The following RGS17 variants were observed in gnomAD, a reference collection of about 807,000 sequenced individuals.
RGS17 encodes regulator of G-protein signaling 17.
Under a neutral mutation model 25.5 loss-of-function variants are expected in RGS17, and 12 were observed. That is an observed-to-expected ratio of 0.47 (90% CI 0.30 to 0.76). The LOEUF (loss-of-function observed/expected upper bound fraction) is 0.76, where lower values mean the gene tolerates loss of function less well. Ranked by LOEUF, RGS17 falls within the 30% of genes least tolerant of loss-of-function variation. The probability of loss-of-function intolerance (pLI) is 0.07; values close to 1 mark genes in which losing one functional copy is unlikely to be tolerated. For missense variants in RGS17, 196 were observed against 242.2 expected, an observed-to-expected ratio of 0.81 and a Z score of 1.27; for synonymous variants, 71 against 76.9, an observed-to-expected ratio of 0.92 and a Z score of 0.40.
chr6:153,102,296 G>A (rs1319765384), intron 1 of RGS17, among the ~76,000 whole-genome samples: 1 of 152,184 alleles, frequency 6.6e-6, no homozygotes, highest in Non-Finnish European at 1.5e-5. Context: ...TACCTGTCAA[G>A]TAAAATTACA....
Position 153,024,448 on chromosome 6 carries a change from G to C in RGS17, c.258C>G (p.Asp86Glu). The change falls in exon 4 of 5, where the codon GAC (aspartate) becomes GAG (glutamate). Residue 86 changes from aspartate to glutamate, a missense_variant. Physicochemically the swap from Asp to Glu is conservative, Grantham distance 45 (BLOSUM62 2). Transcript: ENST00000206262. ...EEVLSWSQNFDKMMKAPAGRN... is the reference protein window; with the variant it reads ...EEVLSWSQNFEKMMKAPAGRN... ...TTCCTGCTGGGGCCTTCATCATCTT[G>C]TCAAAATTTTGAGACCAGGACAAGA... 1 of 1,614,150 alleles carries C rather than the reference G, an allele frequency of 6.2e-7. No homozygotes were observed. Among genetic ancestry groups the C allele is most frequent in the Non-Finnish European group, 8.5e-7 (1 of 1,180,004 alleles).
intron 1 of RGS17, among the ~76,000 whole-genome samples, chr6:153,122,061 T>A (rs546320905): frequency 6.6e-6 from 1 of 152,306 alleles, no homozygotes; most frequent in East Asian, 1.9e-4. Flanking sequence ...AATGATATTA[T>A]ACTTTAAGAT....
rs1328353164 is a variant in RGS17 at position 153,006,080 on chromosome 6, G to A, written c.*5494C>T. On this transcript the variant is annotated 3_prime_UTR_variant, in exon 5 of 5. Transcript: ENST00000206262. The stretch of plus-strand genomic sequence containing the variant: ...TGCATAGACATGTCTGGAACTCCTG[G>A]GCTCAAGTGATCCTCACGCCTTAGT... The A allele has an allele frequency of 2.0e-5, 3 of 151,958 alleles. No individual in the cohort carries two copies. Among genetic ancestry groups the A allele is most frequent in the Non-Finnish European group, 4.4e-5 (3 of 67,974 alleles). The allele number at this position is 151,958 out of a possible 1,614,324, so 9.4% of individuals were successfully genotyped here.
At position 153,006,510 on chromosome 6, in the gene RGS17, G is replaced by A. The variant is rs1430379965; in HGVS notation, c.*5064C>T. Reference sequence around the variant, plus strand: ...GAGGTGATGGTGAACTGAAAGTACTGATTTGGGATCACATTATTGAGAAAA... The same window carrying A: ...GAGGTGATGGTGAACTGAAAGTACTAATTTGGGATCACATTATTGAGAAAA... On this transcript the variant is annotated 3_prime_UTR_variant, in exon 5 of 5. Coordinates refer to ENST00000206262, the MANE Select transcript of RGS17 (RefSeq NM_012419.5). 1.3e-5 allele frequency: 2 copies of A among 152,526 alleles called. No individual in the cohort carries two copies. Among genetic ancestry groups the A allele is most frequent in the Admixed American group, 6.6e-5 (1 of 15,262 alleles). 9.4% of individuals were successfully genotyped at this position (152,526 alleles called of 1,614,324 possible).
intron 1 of RGS17, among the ~76,000 whole-genome samples, chr6:153,086,592 T>C (rs561029128): frequency 2.6e-5 from 4 of 152,308 alleles, no homozygotes; most frequent in African/African-American, 9.6e-5. Context: ...CTATTGCTAA[T>C]AGCAGCAGGC....
intron 1 of RGS17, among the ~76,000 whole-genome samples, chr6:153,096,038 A>G (rs1777202870): frequency 6.6e-6 from 1 of 152,210 alleles, no homozygotes; most frequent in Non-Finnish European, 1.5e-5. Context: ...CTGGGTAGAA[A>G]TCTTATAATC....
chr6:153,122,492 T>C (rs905309458), intron 1 of RGS17, among the ~76,000 whole-genome samples: 2 of 152,132 alleles, frequency 1.3e-5, no homozygotes, highest in African/African-American at 4.8e-5. Flanking sequence ...AAATTGAAGT[T>C]ACTGGACTTG....
intron 1 of RGS17, among the ~76,000 whole-genome samples, chr6:153,080,014 GCT>G (rs1368958639): frequency 1.3e-5 from 2 of 152,098 alleles, no homozygotes; most frequent in Admixed American, 1.3e-4. Flanking sequence ...ACGGAGTCTT[GCT>G]CTGTCGCCAG....
chr6:153,102,967 A>G (rs1273958521), intron 1 of RGS17, among the ~76,000 whole-genome samples: 1 of 152,232 alleles, frequency 6.6e-6, no homozygotes, highest in Non-Finnish European at 1.5e-5. Flanking sequence ...GAATTCTACA[A>G]CAAGCTTTTG....
At chr6:153,111,241 C>CTGAACTTGCTGG (rs1375320420) in intron 1 of RGS17, among the ~76,000 whole-genome samples, 2 of 152,140 alleles carry the variant, frequency 1.3e-5, no homozygotes, top group African/African-American at 2.4e-5. Flanking sequence ...CTGGGATGCT[C>CTGAACTTGCTGG]GAGCTTAGTC....
At chr6:153,123,053 A>T (rs1441819774) in intron 1 of RGS17, among the ~76,000 whole-genome samples, 2 of 151,848 alleles carry the variant, frequency 1.3e-5, no homozygotes, top group African/African-American at 4.8e-5. Flanking sequence ...AGTAAATTGG[A>T]GTATTTAATA....
chr6:153,019,723 C>T (rs1031894904), intron 4 of RGS17, among the ~76,000 whole-genome samples: 2 of 152,106 alleles, frequency 1.3e-5, no homozygotes, highest in Non-Finnish European at 2.9e-5. Flanking sequence ...CTGAGGCCTC[C>T]CTAGAAGCTG....
intron 4 of RGS17, among the ~76,000 whole-genome samples, chr6:153,020,258 A>C (rs1405191782): frequency 6.9e-6 from 1 of 144,018 alleles, no homozygotes; most frequent in Non-Finnish European, 1.5e-5. Context: ...GGTTCAAGTG[A>C]TTCTCTTGCC....
At position 153,079,620 on chromosome 6, in the gene RGS17, G is replaced by A. The variant is rs1469862811; in HGVS notation, c.-25-35577C>T. 3.9e-5 allele frequency among the ~76,000 whole-genome samples: 6 copies of A among 152,148 alleles called. No homozygotes were observed. In the East Asian group the frequency reaches 1.2e-3, roughly 29 times the overall value. ...AGAAATTCTATTAACTGACTTTGAAGTATCAAATCAAACTCATAATCCTGG... is the reference window on the plus strand; with the variant it reads ...AGAAATTCTATTAACTGACTTTGAAATATCAAATCAAACTCATAATCCTGG... On this transcript the variant is annotated intron_variant, in intron 1 of 4. Coordinates refer to ENST00000206262, the MANE Select transcript of RGS17 (RefSeq NM_012419.5).
chr6:153,019,375 G>A (rs1031501725), intron 4 of RGS17, among the ~76,000 whole-genome samples: 3 of 152,180 alleles, frequency 2.0e-5, no homozygotes, highest in Non-Finnish European at 4.4e-5. Flanking sequence ...GCTGTTTACA[G>A]TTGATAAGAG....
intron 1 of RGS17, among the ~76,000 whole-genome samples, chr6:153,075,155 TA>T (rs1362491167): frequency 6.6e-6 from 1 of 152,228 alleles, no homozygotes; most frequent in Non-Finnish European, 1.5e-5. Context: ...TAGCTTTAAG[TA>T]AACTGAAACT....
At position 153,004,945 on chromosome 6, in the gene RGS17, G is replaced by T. The variant is rs993460440; in HGVS notation, c.*6629C>A. The T allele has an allele frequency of 6.6e-6, 1 of 152,104 alleles. No homozygotes were observed. Among genetic ancestry groups the T allele is most frequent in the African/African-American group, 2.4e-5 (1 of 41,444 alleles). 9.4% of individuals were successfully genotyped at this position (152,104 alleles called of 1,614,324 possible). A position where few individuals can be genotyped will look rare whatever the true frequency, so the allele number is the denominator to read the frequency against. ...ATATAGATTAAGTGTGATGAACATG[G>T]TAGTAAAAAATTATACACATTCGAT... is the stretch of plus-strand genomic sequence containing the variant. On this transcript the variant is annotated 3_prime_UTR_variant, in exon 5 of 5. Coordinates refer to ENST00000206262, the MANE Select transcript of RGS17 (RefSeq NM_012419.5).
At chr6:153,024,165 C>T in intron 4 of RGS17, 97 bp downstream of exon 4, 2 of 734,674 alleles carry the variant, frequency 2.7e-6, no homozygotes, top group Non-Finnish European at 4.6e-6. Flanking sequence ...ATCTTCTACC[C>T]TCTCCACACC....
At chr6:153,069,788 C>T (rs1776762404) in intron 1 of RGS17, among the ~76,000 whole-genome samples, 2 of 146,260 alleles carry the variant, frequency 1.4e-5, no homozygotes, top group South Asian at 4.4e-4. Context: ...TGTGTAGCCA[C>T]AAAAATTAAA....
Sources: allele counts gnomAD v4.1 joint callset (sites outside exome capture counted in the v4.1 genomes callset), GRCh38; gene constraint gnomAD v4.1.1; transcripts MANE v1.5; gene names NCBI Gene and HGNC (gene_info 2026-07-23, HGNC 2026-07-21).